CNTN4: variants seen among roughly 807,000 people sequenced by gnomAD.
CNTN4 encodes contactin-4.
CNTN4 carries 77 observed loss-of-function variants against 122.5 expected under a neutral mutation model. That is an observed-to-expected ratio of 0.63 (90% CI 0.52 to 0.76). The LOEUF is 0.76. Ranked by LOEUF, CNTN4 falls within the 30% of genes least tolerant of loss-of-function variation. The pLI, the probability that CNTN4 is intolerant of heterozygous loss-of-function variation, is 0.00. For synonymous variants in CNTN4, 512 were observed against 447.0 expected (o/e 1.15, Z -1.83); for missense variants, 1,256 against 1,259.1 (o/e 1.00, Z 0.04).
intron 3 of CNTN4, among the ~76,000 whole-genome samples, chr3:2,381,928 A>G (rs1012948332): frequency 6.6e-6 from 1 of 152,132 alleles, no homozygotes; most frequent in East Asian, 1.9e-4. Flanking sequence ...TGTAAAATTA[A>G]AAAAATAAAA....
intron 7 of CNTN4, among the ~76,000 whole-genome samples, chr3:2,821,680 A>G (rs926812880): frequency 6.6e-6 from 1 of 152,206 alleles, no homozygotes; most frequent in African/African-American, 2.4e-5. Flanking sequence ...ACTAAAAGGC[A>G]AATATAACTG....
chr3:2,623,671 T>TAG (rs2082075133), intron 4 of CNTN4, among the ~76,000 whole-genome samples: 1 of 152,118 alleles, frequency 6.6e-6, no homozygotes, highest in Admixed American at 6.5e-5. Context: ...AGGGCAAGCA[T>TAG]AGAAACCACT....
At chr3:2,948,270 A>C (rs1264838143) in intron 13 of CNTN4, among the ~76,000 whole-genome samples, 1 of 152,142 alleles carries the variant, frequency 6.6e-6, no homozygotes, top group Non-Finnish European at 1.5e-5. Flanking sequence ...TAGACCTGAC[A>C]AGCTCTGTGA....
chr3:2,322,120 T>C (rs891345365), intron 2 of CNTN4, among the ~76,000 whole-genome samples: 9 of 152,216 alleles, frequency 5.9e-5, no homozygotes, highest in African/African-American at 2.2e-4. Flanking sequence ...TGATAAAGTA[T>C]ACATTAGATT....
chr3:2,151,695 A>C (rs1013845191), intron 2 of CNTN4, among the ~76,000 whole-genome samples: 1 of 152,164 alleles, frequency 6.6e-6, no homozygotes, highest in Non-Finnish European at 1.5e-5. Context: ...TTAATGGATT[A>C]ATGACTAATG....
chr3:2,108,830 C>T (rs1313249697), intron 2 of CNTN4, among the ~76,000 whole-genome samples: 2 of 152,198 alleles, frequency 1.3e-5, no homozygotes, highest in African/African-American at 4.8e-5. Flanking sequence ...ATGCAAAGTA[C>T]AAGCAGGACA....
At chr3:2,276,906 C>G (rs969732676) in intron 2 of CNTN4, among the ~76,000 whole-genome samples, 1 of 152,040 alleles carries the variant, frequency 6.6e-6, no homozygotes, top group African/African-American at 2.4e-5. Flanking sequence ...AGCTACTGCA[C>G]TCCAGCCAAG....
intron 3 of CNTN4, among the ~76,000 whole-genome samples, chr3:2,485,643 G>A (rs2076136104): frequency 6.6e-6 from 1 of 152,158 alleles, no homozygotes; most frequent in African/African-American, 2.4e-5. Flanking sequence ...GAGAATCTTT[G>A]TCTAGCTAAG....
intron 2 of CNTN4, among the ~76,000 whole-genome samples, chr3:2,108,273 G>A (rs534811988): frequency 1.3e-5 from 2 of 148,900 alleles, no homozygotes; most frequent in Non-Finnish European, 3.0e-5. Flanking sequence ...CTCAACTCAA[G>A]TATCACTAAG....
chr3:2,525,796 AG>A (rs1221569422), intron 3 of CNTN4, among the ~76,000 whole-genome samples: 3 of 152,284 alleles, frequency 2.0e-5, no homozygotes, highest in African/African-American at 4.8e-5. Flanking sequence ...TGAGTACTGA[AG>A]GAAATGGTTG....
At chr3:2,187,699 G>A (rs996166569) in intron 2 of CNTN4, among the ~76,000 whole-genome samples, 7 of 152,136 alleles carry the variant, frequency 4.6e-5, no homozygotes, top group Non-Finnish European at 8.8e-5. Context: ...AACCTGATGA[G>A]TCTATGCAGG....
intron 3 of CNTN4, among the ~76,000 whole-genome samples, chr3:2,543,383 C>T (rs1232579540): frequency 6.6e-6 from 1 of 152,058 alleles, no homozygotes; most frequent in Non-Finnish European, 1.5e-5. Flanking sequence ...GCTGGAGAGG[C>T]AGTTGTGGGA....
At chr3:2,773,461 T>G (rs2091187750) in intron 6 of CNTN4, among the ~76,000 whole-genome samples, 1 of 152,126 alleles carries the variant, frequency 6.6e-6, no homozygotes, top group African/African-American at 2.4e-5. Flanking sequence ...AATCCAACAT[T>G]CTTACGGGGT....
intron 6 of CNTN4, among the ~76,000 whole-genome samples, chr3:2,756,532 C>G (rs1202607407): frequency 1.3e-5 from 2 of 152,172 alleles, no homozygotes; most frequent in African/African-American, 2.4e-5. Flanking sequence ...GCAGCCCTAA[C>G]AGACTAAAAC....
intron 6 of CNTN4, among the ~76,000 whole-genome samples, chr3:2,817,015 A>T (rs1174642980): frequency 6.6e-6 from 1 of 152,172 alleles, no homozygotes; most frequent in African/African-American, 2.4e-5. Flanking sequence ...GAAAAGTATC[A>T]TGTTGTTAAC....
At chr3:2,267,698 G>T (rs1469848790) in intron 2 of CNTN4, among the ~76,000 whole-genome samples, 1 of 151,724 alleles carries the variant, frequency 6.6e-6, no homozygotes, top group Admixed American at 6.6e-5. Flanking sequence ...TTCTTCTGTA[G>T]CTACTTGAAA....
Position 3,034,683 on chromosome 3 carries a change from C to A in CNTN4, c.1835C>A (p.Thr612Asn), listed in dbSNP as rs775725299. The A allele has an allele frequency of 6.2e-7, 1 of 1,614,152 alleles. No individual in the cohort carries two copies. Among genetic ancestry groups the A allele is most frequent in the South Asian group, 1.1e-5 (1 of 91,068 alleles). Residue 612 changes from threonine (T) to asparagine (N), a missense_variant, in exon 17 of 25, where the codon ACT (threonine) becomes AAT (asparagine). By Grantham distance (65) the Thr-to-Asn change is moderately conservative. Transcript: ENST00000418658. ...ACAATAGACGAAATCACAGATACCACTGCTCAGCTCTCCTGGAGACCCGGG... is the reference window on the plus strand; with the variant it reads ...ACAATAGACGAAATCACAGATACCAATGCTCAGCTCTCCTGGAGACCCGGG... ...AVTIDEITDT[T>N]AQLSWRPGPD...
intron 6 of CNTN4, among the ~76,000 whole-genome samples, chr3:2,758,258 A>G (rs12494784): frequency 6.6e-6 from 1 of 151,942 alleles, no homozygotes; most frequent in Non-Finnish European, 1.5e-5. Context: ...ATGAATGTTG[A>G]TAAGTGCTGA....
intron 13 of CNTN4, among the ~76,000 whole-genome samples, chr3:2,969,518 T>TTAA (rs1479369255): frequency 6.6e-6 from 1 of 151,416 alleles, no homozygotes; most frequent in Admixed American, 6.6e-5. Flanking sequence ...AAAATTGGGA[T>TTAA]TATTATTATT....
Sources: allele counts gnomAD v4.1 joint callset (sites outside exome capture counted in the v4.1 genomes callset), GRCh38; gene constraint gnomAD v4.1.1; transcripts MANE v1.5; gene names NCBI Gene and HGNC (gene_info 2026-07-23, HGNC 2026-07-21).